The following KCNE3 variants were observed in gnomAD, a reference collection of about 807,000 sequenced individuals.
The protein encoded by KCNE3 is potassium voltage-gated channel subfamily E regulatory subunit 3.
Under a neutral mutation model 4.3 loss-of-function variants are expected in KCNE3, and 2 were observed. The ratio of observed to expected loss-of-function variants is 0.47; its 90% CI spans 0.19 to 1.48. KCNE3 has a LOEUF of 1.48. KCNE3 is among the 40% of genes most tolerant of loss of function. The pLI, the probability that KCNE3 is intolerant of heterozygous loss-of-function variation, is 0.25. For synonymous variants in KCNE3, 47 were observed against 52.0 expected, an observed-to-expected ratio of 0.90 and a Z score of 0.41; for missense variants, 128 against 136.8, an observed-to-expected ratio of 0.94 and a Z score of 0.32.
At chr11:74,457,853 G>A (rs536126712) in intron 2 of KCNE3, among the ~76,000 whole-genome samples, 1 of 152,268 alleles carries the variant, frequency 6.6e-6, no homozygotes, top group South Asian at 2.1e-4. Context: ...TAAGTCTCAC[G>A]AGATCTGATG....
intron 1 of KCNE3, among the ~76,000 whole-genome samples, chr11:74,462,566 C>G (rs1283835785): frequency 6.6e-6 from 1 of 152,246 alleles, no homozygotes; most frequent in Non-Finnish European, 1.5e-5. Flanking sequence ...ACCACCCAAT[C>G]TATTCAGATA....
chr11:74,466,249 C>T (rs1322653840), intron 1 of KCNE3, among the ~76,000 whole-genome samples: 1 of 152,178 alleles, frequency 6.6e-6, no homozygotes, highest in Non-Finnish European at 1.5e-5. Flanking sequence ...AGTTTCTTGT[C>T]TTGCTTCCCT....
At chr11:74,464,027 C>A (rs1169537613) in intron 1 of KCNE3, among the ~76,000 whole-genome samples, 1 of 152,214 alleles carries the variant, frequency 6.6e-6, no homozygotes, top group Non-Finnish European at 1.5e-5. Flanking sequence ...TTTATGCTCT[C>A]ATCTTCCATG....
intron 2 of KCNE3, among the ~76,000 whole-genome samples, chr11:74,461,223 A>G (rs1863944933): frequency 1.3e-5 from 2 of 152,144 alleles, no homozygotes; most frequent in South Asian, 4.1e-4. Context: ...CTGCTGCACA[A>G]CAAGGTGAAT....
intron 2 of KCNE3, among the ~76,000 whole-genome samples, chr11:74,459,524 A>G (rs191525638): frequency 1.5e-3 from 234 of 152,162 alleles, no homozygotes; most frequent in African/African-American, 5.5e-3. Flanking sequence ...GGCCTCCCAA[A>G]GTGCTGGGAT....
At position 74,455,371 on chromosome 11, in the gene KCNE3, T is replaced by C. The variant is rs1863786770; in HGVS notation, c.*1881A>G. ...TGGTTCTAGCTGAGATCTGGGATAG[T>C]TTCTGAATTCAGAAGTGTTCACCAG... On this transcript the variant is annotated 3_prime_UTR_variant, in exon 3 of 3. Transcript: ENST00000310128. 1 of 152,216 alleles carries C rather than the reference T, an allele frequency of 6.6e-6. No homozygotes were observed. The highest frequency in any genetic ancestry group is 6.5e-5 in the Admixed American group (1 of 15,278). 9.4% of individuals were successfully genotyped at this position (152,216 alleles called of 1,614,324 possible). A position where few individuals can be genotyped will look rare whatever the true frequency, so the allele number is the denominator to read the frequency against.
chr11:74,456,744 T>C lies in KCNE3; in HGVS notation c.*508A>G, dbSNP rs1189907837. 1 of 187,502 alleles carries C rather than the reference T, an allele frequency of 5.3e-6. No homozygotes were observed. Among genetic ancestry groups the C allele is most frequent in the East Asian group, 1.4e-4 (1 of 7,130 alleles). The allele number at this position is 187,502 out of a possible 1,614,324, so 11.6% of individuals were successfully genotyped here. Reference sequence around the variant, plus strand: ...TTCCTGGGTTCCAATCATGGCACTATGCAGGCCCAAATGGGCAGCACAGCA... The same window carrying C: ...TTCCTGGGTTCCAATCATGGCACTACGCAGGCCCAAATGGGCAGCACAGCA... On this transcript the variant is annotated 3_prime_UTR_variant, in exon 3 of 3. Coordinates refer to ENST00000310128, the MANE Select transcript of KCNE3 (RefSeq NM_005472.5).
Position 74,457,586 on chromosome 11 carries a change from G to A in KCNE3, c.-23C>T. 2 of 1,610,704 alleles carry A rather than the reference G, an allele frequency of 1.2e-6. No homozygotes were observed. Among genetic ancestry groups the A allele is most frequent in the Non-Finnish European group, 1.7e-6 (2 of 1,176,962 alleles). On this transcript the variant is annotated 5_prime_UTR_variant, in exon 3 of 3. Coordinates refer to ENST00000310128, the MANE Select transcript of KCNE3 (RefSeq NM_005472.5). ...CATAGCAACAGGGATTGAGGTGGGG[G>A]AAGACTCGGTAGAAGCTCTGGTGGC...
intron 2 of KCNE3, among the ~76,000 whole-genome samples, chr11:74,458,202 A>C (rs139348295): frequency 1.3e-5 from 2 of 152,250 alleles, no homozygotes; most frequent in Admixed American, 1.3e-4. Context: ...GTAAGTACTC[A>C]ATAAATAATT....
At chr11:74,463,869 A>G (rs1591230365) in intron 1 of KCNE3, among the ~76,000 whole-genome samples, 1 of 152,094 alleles carries the variant, frequency 6.6e-6, no homozygotes, top group Admixed American at 6.5e-5. Context: ...TTCACATCAC[A>G]CCAGACACAG....
Position 74,465,102 on chromosome 11 carries a change from C to CTGTGTGTG in KCNE3, c.-190+2288_-190+2295dup, listed in dbSNP as rs143869592. On this transcript the variant is annotated intron_variant, in intron 1 of 2. Coordinates refer to ENST00000310128, the MANE Select transcript of KCNE3 (RefSeq NM_005472.5). ...TAGAGCACTATACTGTACTGAAACT[C>CTGTGTGTG]TGTGTGTGTGTGTGTGTGTGTGTAT... 3.8e-3 allele frequency among the ~76,000 whole-genome samples: 565 copies of CTGTGTGTG among 150,144 alleles called. 6 individuals are homozygous for CTGTGTGTG. Among genetic ancestry groups the CTGTGTGTG allele is most frequent in the East Asian group, 0.036 (181 of 5,046 alleles).
intron 2 of KCNE3, among the ~76,000 whole-genome samples, 162 bp downstream of exon 2, chr11:74,461,793 A>G (rs901860101): frequency 3.3e-5 from 5 of 152,148 alleles, no homozygotes; most frequent in Non-Finnish European, 7.4e-5. Flanking sequence ...TAAAAAAAAA[A>G]AAAAAGAATG....
rs11236111 is a variant in KCNE3, at chr11:74,457,172, T to C, written c.*80A>G. On this transcript the variant is annotated 3_prime_UTR_variant, in exon 3 of 3. Coordinates refer to ENST00000310128, the MANE Select transcript of KCNE3 (RefSeq NM_005472.5). The stretch of plus-strand genomic sequence containing the variant: ...TACAGATAGGGACACTGAGACCTGA[T>C]GCAGTCCACAGCAGAGTTCTGGAGG... The C allele has an allele frequency of 3.1e-3, 4,130 of 1,318,468 alleles. 108 individuals are homozygous for C. The African/African-American group carries it at 0.053, about 17-fold the overall frequency. 81.7% of individuals were successfully genotyped at this position (1,318,468 alleles called of 1,614,324 possible). A position where few individuals can be genotyped will look rare whatever the true frequency, so the allele number is the denominator to read the frequency against.
intron 2 of KCNE3, 33 bp downstream of exon 2, chr11:74,461,922 A>G (rs1863962576): frequency 6.6e-6 from 1 of 152,130 alleles, no homozygotes; most frequent in African/African-American, 2.4e-5. Context: ...ACTGACAGGG[A>G]GAGGGAGGGA....
chr11:74,466,457 A>G (rs1035541138), intron 1 of KCNE3, among the ~76,000 whole-genome samples: 8 of 152,168 alleles, frequency 5.3e-5, no homozygotes, highest in Admixed American at 4.6e-4. Context: ...AATAAGGAGG[A>G]GCTCACACGT....
chr11:74,460,976 G>A (rs750922450), intron 2 of KCNE3, among the ~76,000 whole-genome samples: 2 of 152,104 alleles, frequency 1.3e-5, no homozygotes, highest in Non-Finnish European at 2.9e-5. Flanking sequence ...AGAGACAGTC[G>A]TAAGACCTGA....
rs1353792975 is a variant in KCNE3 at position 74,455,202 on chromosome 11, C to G, written c.*2050G>C. The G allele has an allele frequency of 3.9e-5, 6 of 152,180 alleles. No individual in the cohort carries two copies. Among genetic ancestry groups the G allele is most frequent in the African/African-American group, 1.4e-4 (6 of 41,430 alleles). The allele number at this position is 152,180 out of a possible 1,614,324, so 9.4% of individuals were successfully genotyped here. A position where few individuals can be genotyped will look rare whatever the true frequency, so the allele number is the denominator to read the frequency against. Reference sequence around the variant, plus strand: ...TTTATCATGCGGAAAGGGAAAATCACCTATAACCCAATTCCTCAGAGATAA... The same window carrying G: ...TTTATCATGCGGAAAGGGAAAATCAGCTATAACCCAATTCCTCAGAGATAA... On this transcript the variant is annotated 3_prime_UTR_variant, in exon 3 of 3. Coordinates refer to ENST00000310128, the MANE Select transcript of KCNE3 (RefSeq NM_005472.5).
chr11:74,457,143 A>T lies in KCNE3; in HGVS notation c.*109T>A. The T allele has an allele frequency of 9.2e-7, 1 of 1,084,902 alleles. No individual in the cohort carries two copies. The highest frequency in any genetic ancestry group is 1.4e-6 in the Non-Finnish European group (1 of 723,112). 67.2% of individuals were successfully genotyped at this position (1,084,902 alleles called of 1,614,324 possible). A position where few individuals can be genotyped will look rare whatever the true frequency, so the allele number is the denominator to read the frequency against. On this transcript the variant is annotated 3_prime_UTR_variant, in exon 3 of 3. Coordinates refer to ENST00000310128, the MANE Select transcript of KCNE3 (RefSeq NM_005472.5). ...CCTCCCTTAACCGTGTTTCTTGTTG[A>T]TCTTACAGATAGGGACACTGAGACC...
At chr11:74,458,717 C>A (rs988119180) in intron 2 of KCNE3, among the ~76,000 whole-genome samples, 14 of 151,940 alleles carry the variant, frequency 9.2e-5, no homozygotes, top group African/African-American at 3.1e-4. Flanking sequence ...CTTGGTAATC[C>A]CAGCTACTTG....
Sources: allele counts gnomAD v4.1 joint callset (sites outside exome capture counted in the v4.1 genomes callset), GRCh38; gene constraint gnomAD v4.1.1; transcripts MANE v1.5; gene names NCBI Gene and HGNC (gene_info 2026-07-23, HGNC 2026-07-21).